PLA2G6: variants seen among roughly 807,000 people sequenced by gnomAD.
The protein encoded by PLA2G6 is phospholipase A2 group VI.
In PLA2G6, 62 loss-of-function variants were observed where a neutral mutation model predicts 83.8. The ratio of observed to expected loss-of-function variants is 0.74; its 90% CI spans 0.60 to 0.91. The LOEUF (loss-of-function observed/expected upper bound fraction) is 0.91, where lower values mean the gene tolerates loss of function less well. Among genes scored for constraint, PLA2G6 ranks in the 40% least tolerant of loss-of-function variants. The pLI, the probability that PLA2G6 is intolerant of heterozygous loss-of-function variation, is 0.00. For missense variants in PLA2G6, 944 were observed against 1,102.0 expected, an observed-to-expected ratio of 0.86 and a Z score of 2.03; for synonymous variants, 417 against 449.8, an observed-to-expected ratio of 0.93 and a Z score of 0.92.
intron 2 of PLA2G6, among the ~76,000 whole-genome samples, chr22:38,162,289 A>G (rs1374872392): frequency 6.6e-6 from 1 of 151,178 alleles, no homozygotes; most frequent in Non-Finnish European, 1.5e-5. Flanking sequence ...CATGGTGGAG[A>G]ACTGAAACCA....
At chr22:38,169,107 A>T in intron 2 of PLA2G6, 111 bp downstream of exon 2, 4 of 844,694 alleles carry the variant, frequency 4.7e-6, no homozygotes, top group Non-Finnish European at 7.9e-6. Context: ...ACCCCTCTCC[A>T]GACCCCTCAG....
chr22:38,175,538 CCA>C (rs954951953), intron 1 of PLA2G6, among the ~76,000 whole-genome samples: 128 of 152,236 alleles, frequency 8.4e-4, no homozygotes, highest in African/African-American at 3.0e-3. Context: ...CTTGGGGATA[CCA>C]CACATACGCT....
intron 15 of PLA2G6, among the ~76,000 whole-genome samples, chr22:38,113,022 T>A (rs552339269): frequency 6.6e-6 from 1 of 152,234 alleles, no homozygotes; most frequent in South Asian, 2.1e-4. Flanking sequence ...TCCTCCCACC[T>A]CAGCCTCCTG....
At chr22:38,172,905 G>A (rs2090492350) in intron 1 of PLA2G6, among the ~76,000 whole-genome samples, 1 of 152,358 alleles carries the variant, frequency 6.6e-6, no homozygotes, top group South Asian at 2.1e-4. Context: ...CCACAGAAAC[G>A]ACAGGCTTGG....
At position 38,118,044 on chromosome 22, in the gene PLA2G6, A is replaced by G. The variant is rs897828607; in HGVS notation, c.1743-1833T>C. ...GAGCAAGACTCCATCTCAAAAAAAA[A>G]AAAAAAGAAAGAAATAAGCCAGTCA... On this transcript the variant is annotated intron_variant, in intron 12 of 16. Coordinates refer to ENST00000332509, the MANE Select transcript of PLA2G6 (RefSeq NM_003560.4). Among the ~76,000 whole-genome samples, 85 of 152,210 alleles carry G rather than the reference A, an allele frequency of 5.6e-4. 1 individual carries two copies. The highest frequency in any genetic ancestry group is 1.2e-3 in the Admixed American group (18 of 15,276).
intron 12 of PLA2G6, among the ~76,000 whole-genome samples, chr22:38,119,891 G>A (rs777111584): frequency 3.9e-5 from 6 of 151,994 alleles, no homozygotes; most frequent in Non-Finnish European, 8.8e-5. Flanking sequence ...ACCTCATTAA[G>A]AACATGGGCC....
Position 38,113,590 on chromosome 22 carries a change from T to C in PLA2G6, c.2099A>G (p.Gln700Arg). 1 of 1,613,650 alleles carries C rather than the reference T, an allele frequency of 6.2e-7. No individual in the cohort carries two copies. The highest frequency in any genetic ancestry group is 8.5e-7 in the Non-Finnish European group (1 of 1,179,736). Residue 700 changes from glutamine to arginine, a missense_variant, in exon 15 of 17, where the codon CAA (glutamine) becomes CGA (arginine). Gln to Arg is a conservative substitution (Grantham distance 43). Transcript: ENST00000332509. The stretch of plus-strand genomic sequence containing the variant: ...GACATCCACACAGGTCACAGGCACT[T>C]GTGGGGACCTCCCTGTCCCCAGGGA... Reference protein sequence around the residue: ...VVSLGTGRSPQVPVTCVDVFR... With the variant: ...VVSLGTGRSPRVPVTCVDVFR...
In PLA2G6 at chr22:38,146,189, C is replaced by T. The variant is rs2089250365; in HGVS notation, c.210-536G>A. On this transcript the variant is annotated intron_variant, in intron 2 of 16. Coordinates refer to ENST00000332509, the MANE Select transcript of PLA2G6 (RefSeq NM_003560.4). ...TAGCTGGGATTAAAGGCGTGTGCTG[C>T]CACACCTGGCTAATTTTTTGTGTTT... is the stretch of plus-strand genomic sequence containing the variant. The T allele has an allele frequency of 1.8e-5, 3 of 169,590 alleles. No individual in the cohort carries two copies. In the East Asian group the frequency reaches 4.6e-4, roughly 26 times the overall value. The allele number at this position is 169,590 out of a possible 1,614,324, so 10.5% of individuals were successfully genotyped here.
intron 11 of PLA2G6, 50 bp from the exon 12 acceptor site, chr22:38,120,959 G>A: frequency 8.1e-6 from 13 of 1,604,628 alleles, no homozygotes; most frequent in Non-Finnish European, 1.1e-5. Context: ...CACACGCAGG[G>A]CTCCCGTAGA....
Position 38,126,165 on chromosome 22 carries a change from C to T in PLA2G6, c.1427+206G>A, listed in dbSNP as rs927777075. On this transcript the variant is annotated intron_variant, in intron 10 of 16. Transcript: ENST00000332509. ...AAGCCTGGCACCCTGGGCTGGTCTC[C>T]AGAGCCTGCACCGCCCAGCATTAAT... is the stretch of plus-strand genomic sequence containing the variant. 4.6e-6 allele frequency: 3 copies of T among 646,688 alleles called. No individual in the cohort carries two copies. The African/African-American group carries it at 5.4e-5, about 12-fold the overall frequency. 40.1% of individuals were successfully genotyped at this position (646,688 alleles called of 1,614,324 possible).
chr22:38,121,953 C>T lies in PLA2G6; in HGVS notation c.1592-1044G>A, dbSNP rs553866177. 1.0e-3 allele frequency among the ~76,000 whole-genome samples: 156 copies of T among 152,270 alleles called. 1 individual carries two copies. Among genetic ancestry groups the T allele is most frequent in the African/African-American group, 3.4e-3 (141 of 41,542 alleles). On this transcript the variant is annotated intron_variant, in intron 11 of 16. Coordinates refer to ENST00000332509, the MANE Select transcript of PLA2G6 (RefSeq NM_003560.4). ...GATCCTCTCTGGTTCTCAGTTTCCC[C>T]ATCTGCTCACCCCGCAGGGCTATGG...
chr22:38,140,229 C>T (rs1602162221), intron 4 of PLA2G6, 60 bp from the exon 5 acceptor site: 12 of 1,508,538 alleles, frequency 8.0e-6, no homozygotes, highest in Middle Eastern at 1.8e-4. Context: ...GTAAAGAGGC[C>T]GGGCGCAGTG....
At position 38,142,707 on chromosome 22, in the gene PLA2G6, C is replaced by T. The variant is rs1602171877; in HGVS notation, c.609+398G>A. The T allele has an allele frequency of 8.9e-6, 3 of 335,708 alleles. No homozygotes were observed. The Admixed American group carries it at 1.2e-4, about 14-fold the overall frequency. The allele number at this position is 335,708 out of a possible 1,614,324, so 20.8% of individuals were successfully genotyped here. On this transcript the variant is annotated intron_variant, in intron 4 of 16. Coordinates refer to ENST00000332509, the MANE Select transcript of PLA2G6 (RefSeq NM_003560.4). Reference sequence around the variant, plus strand: ...AAAGCCGTCCTGGGCTGCATGCAGCCTGCAGGGCCACAGATTGGACAAGCT... The same window carrying T: ...AAAGCCGTCCTGGGCTGCATGCAGCTTGCAGGGCCACAGATTGGACAAGCT...
intron 2 of PLA2G6, chr22:38,146,629 TC>T (rs1186978331): frequency 6.6e-6 from 1 of 152,190 alleles, no homozygotes; most frequent in Non-Finnish European, 1.5e-5. Context: ...ACTTGGCCCC[TC>T]TTCATAGTAG....
At chr22:38,179,037 A>C (rs578193720) in intron 1 of PLA2G6, among the ~76,000 whole-genome samples, 4 of 152,352 alleles carry the variant, frequency 2.6e-5, no homozygotes, top group Admixed American at 6.5e-5. Flanking sequence ...GGGGATAGGA[A>C]GTGCTGAGGT....
chr22:38,162,409 C>T (rs1003253111), intron 2 of PLA2G6, among the ~76,000 whole-genome samples: 9 of 151,762 alleles, frequency 5.9e-5, no homozygotes, highest in Non-Finnish European at 1.3e-4. Context: ...ATGCTGGGTA[C>T]AAAGCAAGGC....
chr22:38,114,407 G>C (rs996343574), intron 14 of PLA2G6, among the ~76,000 whole-genome samples: 1 of 152,124 alleles, frequency 6.6e-6, no homozygotes, highest in African/African-American at 2.4e-5. Context: ...GGATGGTCTC[G>C]ATCTCCTGAC....
chr22:38,125,467 G>A (rs1042364258), intron 10 of PLA2G6, among the ~76,000 whole-genome samples: 2 of 152,200 alleles, frequency 1.3e-5, no homozygotes, highest in East Asian at 1.9e-4. Flanking sequence ...AGAGCTGCAC[G>A]ATCACTGCCT....
At position 38,140,122 on chromosome 22, in the gene PLA2G6, T is replaced by G; in HGVS notation, c.657A>C (p.Gln219His). ...AVAGLNQVNN[Q>H]GLTPLHLACQ... ...AGGCCAGGTGCAGCGGGGTCAGCCC[T>G]TGGTTATTCACCTGGTTCAGGCCAG... Residue 219 changes from glutamine (Q) to histidine (H), a missense_variant, in exon 5 of 17, where the codon CAA becomes CAC. By Grantham distance (24) the Gln-to-His change is conservative. Coordinates refer to ENST00000332509, the MANE Select transcript of PLA2G6 (RefSeq NM_003560.4). 1.2e-6 allele frequency: 2 copies of G among 1,614,154 alleles called. No homozygotes were observed. Among genetic ancestry groups the G allele is most frequent in the Non-Finnish European group, 1.7e-6 (2 of 1,180,024 alleles).
Sources: allele counts gnomAD v4.1 joint callset (sites outside exome capture counted in the v4.1 genomes callset), GRCh38; gene constraint gnomAD v4.1.1; transcripts MANE v1.5; gene names NCBI Gene and HGNC (gene_info 2026-07-23, HGNC 2026-07-21).